CDH26: variants seen among roughly 807,000 people sequenced by gnomAD.
The protein encoded by CDH26 is cadherin-like protein 26.
In CDH26, 83 loss-of-function variants were observed where a neutral mutation model predicts 90.3. The observed-to-expected ratio is 0.92, with a 90% CI of 0.77 to 1.10. CDH26 has a LOEUF of 1.10. Ranked by LOEUF, CDH26 falls within the 50% of genes least tolerant of loss-of-function variation. The probability of loss-of-function intolerance (pLI) is 0.00; values close to 1 mark genes in which losing one functional copy is unlikely to be tolerated. For synonymous variants in CDH26, 397 were observed against 396.3 expected (o/e 1.00, Z -0.02); for missense variants, 1,013 against 1,037.6 (o/e 0.98, Z 0.33).
intron 4 of CDH26, among the ~76,000 whole-genome samples, chr20:59,974,199 G>T (rs2145977014): frequency 6.6e-6 from 1 of 152,114 alleles, no homozygotes; most frequent in East Asian, 1.9e-4. Context: ...ATCTTCTTTT[G>T]AAAAGTGTCT....
intron 4 of CDH26, among the ~76,000 whole-genome samples, chr20:59,977,160 G>A (rs1352283341): frequency 6.6e-6 from 1 of 152,158 alleles, no homozygotes; most frequent in East Asian, 1.9e-4. Flanking sequence ...CCATCTACGG[G>A]AAGGGCTGGT....
At chr20:59,979,702 T>C (rs1161614318) in intron 4 of CDH26, among the ~76,000 whole-genome samples, 1 of 144,938 alleles carries the variant, frequency 6.9e-6, no homozygotes, top group Non-Finnish European at 1.5e-5. Context: ...TCTCAGCTTA[T>C]TGCAATCTTG....
At chr20:59,999,326 C>T (rs558946690) in intron 13 of CDH26, among the ~76,000 whole-genome samples, 1 of 152,282 alleles carries the variant, frequency 6.6e-6, no homozygotes, top group East Asian at 1.9e-4. Context: ...AGCCTTTTAC[C>T]ATCAGTTTAC....
chr20:59,990,783 G>A (rs2061518124), intron 9 of CDH26, among the ~76,000 whole-genome samples: 1 of 152,154 alleles, frequency 6.6e-6, no homozygotes, highest in Admixed American at 6.5e-5. Flanking sequence ...TTAAGAAGTA[G>A]CTGTCAAACT....
At chr20:59,970,661 T>A (rs1428995718) in intron 3 of CDH26, among the ~76,000 whole-genome samples, 1 of 151,494 alleles carries the variant, frequency 6.6e-6, no homozygotes, top group Non-Finnish European at 1.5e-5. Flanking sequence ...ATACAAAAAA[T>A]TAACCAGGCA....
At chr20:59,974,277 T>C (rs1226306697) in intron 4 of CDH26, among the ~76,000 whole-genome samples, 1 of 152,230 alleles carries the variant, frequency 6.6e-6, no homozygotes, top group African/African-American at 2.4e-5. Context: ...TTATAGATGC[T>C]AGATATTAAA....
chr20:60,028,656 C>A (rs753567623), intron 7 of CDH26, among the ~76,000 whole-genome samples: 5 of 152,154 alleles, frequency 3.3e-5, no homozygotes, highest in Admixed American at 6.5e-5. Context: ...GCAGCCTGGC[C>A]TGTGAGGATA....
intron 17 of CDH26, among the ~76,000 whole-genome samples, chr20:60,010,003 G>A (rs1289828216): frequency 6.6e-6 from 1 of 152,102 alleles, no homozygotes; most frequent in African/African-American, 2.4e-5. Flanking sequence ...CAGTCCCTGA[G>A]TAAGCAGACC....
At chr20:60,011,060 G>T (rs564543106) in intron 17 of CDH26, among the ~76,000 whole-genome samples, 10 of 152,356 alleles carry the variant, frequency 6.6e-5, no homozygotes, top group African/African-American at 2.4e-4. Context: ...AACAAGAAAT[G>T]AGTTTAGTGA....
chr20:59,981,355 A>G (rs2145982855), intron 4 of CDH26, among the ~76,000 whole-genome samples: 2 of 152,314 alleles, frequency 1.3e-5, no homozygotes, highest in East Asian at 1.9e-4. Flanking sequence ...TGAGTCTTTC[A>G]GTCTGTAAAC....
intron 4 of CDH26, among the ~76,000 whole-genome samples, 156 bp from the exon 5 acceptor site, chr20:59,982,767 G>A (rs1241467773): frequency 6.6e-6 from 1 of 152,092 alleles, no homozygotes; most frequent in Non-Finnish European, 1.5e-5. Flanking sequence ...GCTCTCTGGG[G>A]TACTTGGTAA....
At chr20:59,988,390 G>A (rs879328807) in intron 8 of CDH26, among the ~76,000 whole-genome samples, 1 of 152,168 alleles carries the variant, frequency 6.6e-6, no homozygotes, top group African/African-American at 2.4e-5. Context: ...AGATTCGCCT[G>A]CCCATTTGAC....
intron 15 of CDH26, chr20:60,001,727 A>C: frequency 1.5e-6 from 1 of 678,798 alleles, no homozygotes; most frequent in Non-Finnish European, 1.8e-6. Context: ...CTATAAAGTT[A>C]AAAGCACAGC....
At chr20:59,975,663 A>G (rs2061319979) in intron 4 of CDH26, among the ~76,000 whole-genome samples, 1 of 152,158 alleles carries the variant, frequency 6.6e-6, no homozygotes, top group Non-Finnish European at 1.5e-5. Context: ...ACACTACACA[A>G]ATTGAGCATC....
rs194989 is a variant in CDH26 at position 59,983,410 on chromosome 20, A to G, written c.541+340A>G. Among the ~76,000 whole-genome samples, 797 of 152,354 alleles carry G rather than the reference A, an allele frequency of 5.2e-3. 5 individuals carry two copies. Among genetic ancestry groups the G allele is most frequent in the African/African-American group, 0.018 (756 of 41,582 alleles). On this transcript the variant is annotated intron_variant, in intron 5 of 17. Transcript: ENST00000348616. ...GTCTGTAAAATGGCAACACGATCACATCTATAGCCTCCGAGTTACAGATAC... is the reference window on the plus strand; with the variant it reads ...GTCTGTAAAATGGCAACACGATCACGTCTATAGCCTCCGAGTTACAGATAC...
chr20:60,004,417 A>G (rs2061715556), intron 16 of CDH26, among the ~76,000 whole-genome samples: 1 of 152,180 alleles, frequency 6.6e-6, no homozygotes, highest in South Asian at 2.1e-4. Flanking sequence ...AAACCCGTAC[A>G]GCATGTGACT....
Position 59,987,474 on chromosome 20 carries a change from G to A in CDH26, c.859G>A (p.Gly287Ser). 6.2e-7 allele frequency: 1 copy of A among 1,612,280 alleles called. No individual in the cohort carries two copies. The highest frequency in any genetic ancestry group is 1.7e-4 in the Middle Eastern group (1 of 6,054). The change falls in exon 8 of 18, where the codon GGC becomes AGC. Residue 287 changes from glycine (G) to serine (S), a missense_variant. By Grantham distance (56) the Gly-to-Ser change is moderately conservative (BLOSUM62 0). Transcript: ENST00000348616. The part of the protein sequence containing the change: ...QENYKVQIPE[G>S]RASQGVLRLL... ...TCAGTATAAGGTTCAGATTCCTGAA[G>A]GCCGAGCCAGCCAGGGCGTGTTGCG...
intron 4 of CDH26, 141 bp from the exon 5 acceptor site, chr20:59,982,782 G>A: frequency 1.1e-6 from 1 of 900,420 alleles, no homozygotes; most frequent in East Asian, 2.5e-5. Context: ...TGGTAAATGA[G>A]GGCAGTCTGA....
chr20:59,972,243 C>A, intron 4 of CDH26, 120 bp downstream of exon 4: 1 of 875,052 alleles, frequency 1.1e-6, no homozygotes, highest in Non-Finnish European at 1.8e-6. Flanking sequence ...GAAATTATGC[C>A]TTGTGACAAG....
Sources: allele counts gnomAD v4.1 joint callset (sites outside exome capture counted in the v4.1 genomes callset), GRCh38; gene constraint gnomAD v4.1.1; transcripts MANE v1.5; gene names NCBI Gene and HGNC (gene_info 2026-07-23, HGNC 2026-07-21).